The following PLD5 variants were observed in gnomAD, a reference collection of about 807,000 sequenced individuals.
PLD5 encodes the protein inactive phospholipase D5.
Under a neutral mutation model 61.1 loss-of-function variants are expected in PLD5, and 36 were observed. The ratio of observed to expected loss-of-function variants is 0.59; its 90% CI spans 0.45 to 0.78. PLD5 has a LOEUF of 0.78. Ranked by LOEUF, PLD5 falls within the 30% of genes least tolerant of loss-of-function variation. The pLI is 0.00. For missense variants in PLD5, 515 were observed against 644.4 expected, an observed-to-expected ratio of 0.80 and a Z score of 2.17; for synonymous variants, 243 against 242.8, an observed-to-expected ratio of 1.00 and a Z score of -0.01.
chr1:242,171,980 C>T (rs908260577), intron 5 of PLD5, among the ~76,000 whole-genome samples: 10 of 152,192 alleles, frequency 6.6e-5, no homozygotes, highest in African/African-American at 2.4e-4. Flanking sequence ...AATATTAGAC[C>T]AATGAGACAG....
chr1:242,137,530 C>T (rs931311157), intron 5 of PLD5, among the ~76,000 whole-genome samples: 3 of 152,132 alleles, frequency 2.0e-5, no homozygotes, highest in Non-Finnish European at 4.4e-5. Flanking sequence ...CTATTTGGAA[C>T]CAGATTGGCA....
intron 2 of PLD5, among the ~76,000 whole-genome samples, chr1:242,304,065 T>G (rs1214041187): frequency 3.3e-5 from 5 of 152,170 alleles, no homozygotes; most frequent in African/African-American, 1.2e-4. Context: ...GGGTAAATTT[T>G]CTGTGCCTCA....
In PLD5 at chr1:242,297,438, GCT is replaced by G. The variant is rs1287274710; in HGVS notation, c.327-8910_327-8909del. Among the ~76,000 whole-genome samples, 4 of 135,372 alleles carry G rather than the reference GCT, an allele frequency of 3.0e-5. No homozygotes were observed. In the South Asian group the frequency reaches 9.1e-4, roughly 31 times the overall value. The allele number at this position is 135,372 out of a possible 152,430, so 88.8% of individuals were successfully genotyped here. A position where few individuals can be genotyped will look rare whatever the true frequency, so the allele number is the denominator to read the frequency against. On this transcript the variant is annotated intron_variant, in intron 2 of 9. Transcript: ENST00000536534. ...TTTTTTTTTTTTAAGGCAGGGTCTT[GCT>G]CTGTCATCCAGGCTAGAGAACAGAG...
At position 242,373,749 on chromosome 1, in the gene PLD5, A is replaced by G. The variant is rs554307923; in HGVS notation, c.190-25507T>C. 7.2e-5 allele frequency among the ~76,000 whole-genome samples: 11 copies of G among 152,238 alleles called. No homozygotes were observed. In the East Asian group the frequency reaches 7.8e-4, roughly 11 times the overall value. ...CTCACTCATAGGTGGGAATTGAACAATGAGAACACTTGGACACAAGAAGGG... is the reference window on the plus strand; with the variant it reads ...CTCACTCATAGGTGGGAATTGAACAGTGAGAACACTTGGACACAAGAAGGG... On this transcript the variant is annotated intron_variant, in intron 1 of 9. Coordinates refer to ENST00000536534, the MANE Select transcript of PLD5 (RefSeq NM_001372062.1).
At chr1:242,280,350 A>C in intron 3 of PLD5, among the ~76,000 whole-genome samples, 1 of 152,218 alleles carries the variant, frequency 6.6e-6, no homozygotes, top group Non-Finnish European at 1.5e-5. Context: ...AGCGCTGAGA[A>C]CTAAATATAA....
chr1:242,223,644 G>A (rs1670741459), intron 4 of PLD5, among the ~76,000 whole-genome samples: 1 of 152,016 alleles, frequency 6.6e-6, no homozygotes, highest in South Asian at 2.1e-4. Flanking sequence ...CTCTATTTTA[G>A]GACACGATAA....
chr1:242,111,662 C>T (rs1219338374), intron 7 of PLD5, among the ~76,000 whole-genome samples: 3 of 152,050 alleles, frequency 2.0e-5, no homozygotes, highest in Non-Finnish European at 4.4e-5. Context: ...TTTTCTGGGA[C>T]TAGATAAAGA....
chr1:242,422,269 C>A (rs1049616667), intron 1 of PLD5, among the ~76,000 whole-genome samples: 2 of 152,160 alleles, frequency 1.3e-5, no homozygotes, highest in Non-Finnish European at 2.9e-5. Context: ...CTGCCAGATT[C>A]ATGGCAAAGA....
intron 1 of PLD5, among the ~76,000 whole-genome samples, chr1:242,350,797 C>G (rs1419681027): frequency 6.6e-6 from 1 of 152,128 alleles, no homozygotes; most frequent in African/African-American, 2.4e-5. Context: ...TTTTCTTACT[C>G]CTCCCTCAAA....
chr1:242,207,888 ATATATATT>A lies in PLD5; in HGVS notation c.735+12092_735+12099del, dbSNP rs1165697175. 1.9e-4 allele frequency among the ~76,000 whole-genome samples: 6 copies of A among 31,356 alleles called. 1 individual carries two copies. Among genetic ancestry groups the A allele is most frequent in the Non-Finnish European group, 2.8e-4 (6 of 21,678 alleles). 20.6% of individuals were successfully genotyped at this position (31,356 alleles called of 152,430 possible). On this transcript the variant is annotated intron_variant, in intron 5 of 9. Coordinates refer to ENST00000536534, the MANE Select transcript of PLD5 (RefSeq NM_001372062.1). ...TATATTTATATATATTTATATATTT[ATATATATT>A]TATATATTTATATATATTTATATAT... is the stretch of plus-strand genomic sequence containing the variant.
chr1:242,295,451 A>G (rs1241455346), intron 2 of PLD5, among the ~76,000 whole-genome samples: 1 of 152,134 alleles, frequency 6.6e-6, no homozygotes, highest in Non-Finnish European at 1.5e-5. Flanking sequence ...CTGTATCCAC[A>G]TTGGTGCAAA....
Position 242,439,723 on chromosome 1 carries a change from T to A in PLD5, c.189+84365A>T, listed in dbSNP as rs1048010295. Among the ~76,000 whole-genome samples the A allele has an allele frequency of 2.0e-5, 3 of 152,204 alleles. No homozygotes were observed. In the South Asian group the frequency reaches 6.2e-4, roughly 31 times the overall value. ...GCAGGTATAAACGAATGCATTTGTCTCATCTTCCTCTGGATTGAAAACTCC... is the reference window on the plus strand; with the variant it reads ...GCAGGTATAAACGAATGCATTTGTCACATCTTCCTCTGGATTGAAAACTCC... On this transcript the variant is annotated intron_variant, in intron 1 of 9. Transcript: ENST00000536534.
intron 1 of PLD5, among the ~76,000 whole-genome samples, chr1:242,517,096 G>A (rs1361317990): frequency 3.9e-5 from 6 of 152,174 alleles, no homozygotes; most frequent in Non-Finnish European, 7.4e-5. Context: ...AAGTATATCT[G>A]TAGTTTATTT....
intron 5 of PLD5, among the ~76,000 whole-genome samples, chr1:242,195,527 C>T (rs1176985290): frequency 6.6e-6 from 1 of 152,178 alleles, no homozygotes; most frequent in Non-Finnish European, 1.5e-5. Flanking sequence ...ACAATACTGA[C>T]TAAAAATAAC....
intron 9 of PLD5, among the ~76,000 whole-genome samples, chr1:242,092,070 C>T (rs1659877174): frequency 6.6e-6 from 1 of 151,984 alleles, no homozygotes; most frequent in African/African-American, 2.4e-5. Context: ...TCAAGTGATC[C>T]ACCCATCTCG....
chr1:242,263,256 T>G (rs1673474626), intron 4 of PLD5, among the ~76,000 whole-genome samples: 1 of 151,758 alleles, frequency 6.6e-6, no homozygotes, highest in South Asian at 2.1e-4. Flanking sequence ...CAGTAACTCT[T>G]GCAGCTGAAA....
At position 242,440,005 on chromosome 1, in the gene PLD5, G is replaced by A. The variant is rs530090887; in HGVS notation, c.189+84083C>T. ...TCCTGGGTGCTGAGCCCAGTGTTGG[G>A]TGTTCTTGTATATATTTCAATCCTT... On this transcript the variant is annotated intron_variant, in intron 1 of 9. Coordinates refer to ENST00000536534, the MANE Select transcript of PLD5 (RefSeq NM_001372062.1). 3.3e-5 allele frequency among the ~76,000 whole-genome samples: 5 copies of A among 152,256 alleles called. No homozygotes were observed. The South Asian group carries it at 1.0e-3, about 32-fold the overall frequency.
chr1:242,300,818 C>T (rs1199047963), intron 2 of PLD5, among the ~76,000 whole-genome samples: 3 of 152,074 alleles, frequency 2.0e-5, no homozygotes, highest in South Asian at 2.1e-4. Context: ...CGGCGAAGGG[C>T]GGTGGCAGCT....
At chr1:242,214,028 AG>A (rs1360514041) in intron 5 of PLD5, among the ~76,000 whole-genome samples, 2 of 152,194 alleles carry the variant, frequency 1.3e-5, no homozygotes, top group Non-Finnish European at 1.5e-5. Context: ...CAGTATTGCC[AG>A]CATCTATTGA....
Sources: allele counts gnomAD v4.1 joint callset (sites outside exome capture counted in the v4.1 genomes callset), GRCh38; gene constraint gnomAD v4.1.1; transcripts MANE v1.5; gene names NCBI Gene and HGNC (gene_info 2026-07-23, HGNC 2026-07-21).